UNC13A: variants seen among roughly 807,000 people sequenced by gnomAD.
UNC13A encodes unc-13 homolog A.
A neutral mutation model predicts 219.7 loss-of-function variants in UNC13A; 61 were observed. That is an observed-to-expected ratio of 0.28 (90% CI 0.23 to 0.34). The LOEUF (loss-of-function observed/expected upper bound fraction) is 0.34. Ranked by LOEUF, UNC13A falls within the 10% of genes least tolerant of loss-of-function variation. UNC13A has a pLI of 1.00. For missense variants in UNC13A, 1,476 were observed against 2,270.3 expected (o/e 0.65, Z 7.11); for synonymous variants, 920 against 884.6 (o/e 1.04, Z -0.71).
At chr19:17,633,227 G>A (rs776875132) in intron 26 of UNC13A, 34 bp from the exon 27 acceptor site, 4 of 1,600,514 alleles carry the variant, frequency 2.5e-6, no homozygotes, top group Non-Finnish European at 3.4e-6. Flanking sequence ...AACTTTGGCA[G>A]GCAGAAGGCA....
intron 28 of UNC13A, among the ~76,000 whole-genome samples, chr19:17,631,213 T>C (rs60728706): frequency 0.33 from 14,131 of 43,414 alleles, 3,274 homozygotes; most frequent in African/African-American, 0.5. Flanking sequence ...CCTTCCTTCC[T>C]TCCTTCCTTC....
At position 17,601,626 on chromosome 19, in the gene UNC13A, G is replaced by C. The variant is rs1453426349; in HGVS notation, c.*4428C>G. The C allele has an allele frequency of 6.6e-6, 1 of 152,212 alleles. No homozygotes were observed. Among genetic ancestry groups the C allele is most frequent in the Non-Finnish European group, 1.5e-5 (1 of 68,040 alleles). The allele number at this position is 152,212 out of a possible 1,614,324, so 9.4% of individuals were successfully genotyped here. A position where few individuals can be genotyped will look rare whatever the true frequency, so the allele number is the denominator to read the frequency against. On this transcript the variant is annotated 3_prime_UTR_variant, in exon 44 of 44. Transcript: ENST00000519716. ...AGGGGAAGCCTCCCCGGACTGCTTG[G>C]CCGGTTTGTGGGGGTCTGAGGGAGC... is the stretch of plus-strand genomic sequence containing the variant.
chr19:17,661,209 A>C (rs2079545890), intron 8 of UNC13A, among the ~76,000 whole-genome samples: 1 of 150,942 alleles, frequency 6.6e-6, no homozygotes, highest in Non-Finnish European at 1.5e-5. Flanking sequence ...AAAGTGTTGG[A>C]ATTACAGGTG....
At chr19:17,614,917 G>C (rs2071790080) in intron 41 of UNC13A, among the ~76,000 whole-genome samples, 1 of 152,204 alleles carries the variant, frequency 6.6e-6, no homozygotes, top group South Asian at 2.1e-4. Context: ...ACAGTGGTGG[G>C]TCAGGTGAGG....
Position 17,639,787 on chromosome 19 carries a change from C to T in UNC13A, c.2856+53G>A, listed in dbSNP as rs2076948583. 4 of 1,596,504 alleles carry T rather than the reference C, an allele frequency of 2.5e-6. No individual in the cohort carries two copies. In the East Asian group the frequency reaches 8.9e-5, roughly 36 times the overall value. On this transcript the variant is annotated intron_variant, in intron 23 of 43. Coordinates refer to ENST00000519716, the MANE Select transcript of UNC13A (RefSeq NM_001080421.3). ...CACACCTGCTGGTAGCTTTCCCCTC[C>T]AGGCACACACATGTGCGTGGGGTGA... is the stretch of plus-strand genomic sequence containing the variant.
chr19:17,656,116 C>T lies in UNC13A; in HGVS notation c.1050G>A (p.Glu350=). Residue 350 remains glutamate (E), a synonymous_variant, in exon 10 of 44, where the codon GAG becomes GAA. Transcript: ENST00000519716. ...DEEELEEEEE[E]VPDDLGSYAQ... is the part of the protein sequence containing the mutation. ...CATAGCTGCCCAAATCGTCAGGCAC[C>T]TCCTCCTCCTCCTCCTCCAGCTCCT... 1 of 1,125,154 alleles carries T rather than the reference C, an allele frequency of 8.9e-7. No individual in the cohort carries two copies. Among genetic ancestry groups the T allele is most frequent in the Non-Finnish European group, 1.3e-6 (1 of 791,058 alleles). The allele number at this position is 1,125,154 out of a possible 1,614,324, so 69.7% of individuals were successfully genotyped here. A position where few individuals can be genotyped will look rare whatever the true frequency, so the allele number is the denominator to read the frequency against.
At chr19:17,629,393 G>A in intron 30 of UNC13A, 70 bp from the exon 31 acceptor site, 3 of 1,401,454 alleles carry the variant, frequency 2.1e-6, no homozygotes, top group Non-Finnish European at 2.0e-6. Flanking sequence ...GTCCCATCAA[G>A]GCCACTAGTG....
intron 38 of UNC13A, among the ~76,000 whole-genome samples, chr19:17,620,190 G>C (rs1180194093): frequency 2.0e-5 from 3 of 152,092 alleles, no homozygotes; most frequent in African/African-American, 7.2e-5. Context: ...GTGGGGCTGA[G>C]TATTGAGGTA....
intron 17 of UNC13A, among the ~76,000 whole-genome samples, chr19:17,646,650 C>A (rs73009918): frequency 1.3e-5 from 2 of 151,920 alleles, no homozygotes; most frequent in African/African-American, 2.4e-5. Flanking sequence ...CATTGCCCCC[C>A]GAGATCTCCT....
intron 43 of UNC13A, among the ~76,000 whole-genome samples, chr19:17,609,051 G>A (rs922190799): frequency 2.0e-4 from 29 of 148,300 alleles, no homozygotes; most frequent in Non-Finnish European, 1.6e-4. Context: ...TCCGCCTCCC[G>A]GACTCAAGCG....
chr19:17,655,185 G>T, intron 11 of UNC13A, 89 bp downstream of exon 11: 1 of 1,073,408 alleles, frequency 9.3e-7, no homozygotes, highest in Non-Finnish European at 1.4e-6. Context: ...GGCCAATATA[G>T]GTGTGGGTGT....
intron 19 of UNC13A, among the ~76,000 whole-genome samples, chr19:17,644,372 G>A (rs537507796): frequency 6.6e-6 from 1 of 151,004 alleles, no homozygotes; most frequent in Admixed American, 6.6e-5. Context: ...TTTTTTAATG[G>A]AGACAAAGGC....
At chr19:17,646,412 T>C (rs2077027408) in intron 17 of UNC13A, among the ~76,000 whole-genome samples, 1 of 151,940 alleles carries the variant, frequency 6.6e-6, no homozygotes, top group African/African-American at 2.4e-5. Context: ...TGCCACCCCA[T>C]CCGGCCAATC....
chr19:17,653,638 T>C (rs2079393880), intron 11 of UNC13A, among the ~76,000 whole-genome samples: 1 of 150,486 alleles, frequency 6.6e-6, no homozygotes. Context: ...CGTGAGCCAC[T>C]GCATCCGGCT....
intron 19 of UNC13A, among the ~76,000 whole-genome samples, chr19:17,645,418 G>A (rs563033146): frequency 6.6e-6 from 1 of 152,066 alleles, no homozygotes; most frequent in South Asian, 2.1e-4. Flanking sequence ...TCCCCCATTA[G>A]ACTAGAACAT....
chr19:17,681,852 C>A (rs745658969), intron 1 of UNC13A, among the ~76,000 whole-genome samples: 8 of 152,178 alleles, frequency 5.3e-5, no homozygotes, highest in Non-Finnish European at 1.2e-4. Flanking sequence ...TTGGAGCGCT[C>A]CTCGGGCCCC....
intron 1 of UNC13A, among the ~76,000 whole-genome samples, chr19:17,686,866 C>T (rs978011382): frequency 4.6e-5 from 7 of 151,922 alleles, no homozygotes; most frequent in Non-Finnish European, 1.0e-4. Context: ...TTCCCGGCTC[C>T]CCGGCCTGCC....
At chr19:17,661,565 G>A (rs553767323) in intron 8 of UNC13A, among the ~76,000 whole-genome samples, 1 of 151,934 alleles carries the variant, frequency 6.6e-6, no homozygotes, top group East Asian at 1.9e-4. Context: ...ATAGTGGCGT[G>A]CACCTGTAAT....
intron 35 of UNC13A, 36 bp from the exon 36 acceptor site, chr19:17,623,583 G>C (rs1188659001): frequency 5.5e-6 from 6 of 1,099,406 alleles, no homozygotes; most frequent in African/African-American, 3.3e-5. Context: ...GGTGGGGGAG[G>C]GGGGAATAAG....
Sources: gnomAD v4.1 joint callset for allele counts (sites outside exome capture counted in the v4.1 genomes callset) on GRCh38, gnomAD v4.1.1 for gene constraint, MANE v1.5 for transcripts, NCBI Gene and HGNC (gene_info 2026-07-23, HGNC 2026-07-21) for gene names.